FYB2: variants seen among roughly 807,000 people sequenced by gnomAD.
The protein encoded by FYB2 is FYN binding protein 2, also known as FYN-binding protein 2.
A neutral mutation model predicts 94.1 loss-of-function variants in FYB2; 103 were observed. That is an observed-to-expected ratio of 1.09 (90% confidence interval 0.93 to 1.29). The LOEUF is 1.29. Ranked by LOEUF, FYB2 falls within the 50% of genes most tolerant of loss-of-function variation. The pLI, the probability that FYB2 is intolerant of heterozygous loss-of-function variation, is 0.00. For synonymous variants in FYB2, 293 were observed against 287.9 expected, an observed-to-expected ratio of 1.02 and a Z score of -0.18; for missense variants, 896 against 841.5, an observed-to-expected ratio of 1.06 and a Z score of -0.80.
chr1:56,744,927 A>G (rs1645035366), intron 9 of FYB2, among the ~76,000 whole-genome samples: 1 of 152,072 alleles, frequency 6.6e-6, no homozygotes, highest in Non-Finnish European at 1.5e-5. Context: ...GATATGAACT[A>G]TTAATCAGAA....
At chr1:56,824,133 C>G (rs1297115304), upstream of FYB2, 2 of 152,176 alleles carry the variant, frequency 1.3e-5, no homozygotes, top group African/African-American at 2.4e-5. Flanking sequence ...CCACAAAATC[C>G]GCAGGTCAGT....
chr1:56,769,827 A>G (rs903872471), intron 4 of FYB2, among the ~76,000 whole-genome samples: 1 of 152,180 alleles, frequency 6.6e-6, no homozygotes, highest in Non-Finnish European at 1.5e-5. Context: ...GAAAATTCCA[A>G]ATAGGTCAAG....
At chr1:56,777,796 G>C (rs138162017) in intron 4 of FYB2, among the ~76,000 whole-genome samples, 27 of 151,986 alleles carry the variant, frequency 1.8e-4, no homozygotes, top group African/African-American at 6.5e-4. Context: ...AACATCCTCT[G>C]TGCAAACTCA....
intron 4 of FYB2, among the ~76,000 whole-genome samples, chr1:56,774,231 C>A (rs1645824417): frequency 6.6e-6 from 1 of 152,148 alleles, no homozygotes; most frequent in African/African-American, 2.4e-5. Context: ...TTCAGAAAGA[C>A]AGAGGTGGCA....
At chr1:56,793,738 GAAAAA>G (rs61663036) in intron 1 of FYB2, among the ~76,000 whole-genome samples, 2 of 80,674 alleles carry the variant, frequency 2.5e-5, no homozygotes, top group Admixed American at 1.4e-4. Context: ...AACGAAAGTT[GAAAAA>G]AAAAAAAAAA....
At chr1:56,776,074 C>G (rs1284930666) in intron 4 of FYB2, among the ~76,000 whole-genome samples, 1 of 152,116 alleles carries the variant, frequency 6.6e-6, no homozygotes, top group Non-Finnish European at 1.5e-5. Context: ...GTCTGGAAAC[C>G]ACACCTTCTG....
intron 4 of FYB2, among the ~76,000 whole-genome samples, chr1:56,785,061 G>A (rs1557645983): frequency 6.6e-6 from 1 of 152,274 alleles, no homozygotes; most frequent in East Asian, 1.9e-4. Flanking sequence ...ACGGAGGTTA[G>A]CTTCCAAAAT....
At chr1:56,731,660 G>A (rs909745366) in intron 15 of FYB2, among the ~76,000 whole-genome samples, 2 of 152,066 alleles carry the variant, frequency 1.3e-5, no homozygotes, top group African/African-American at 4.8e-5. Flanking sequence ...CCAGGAACAT[G>A]CCTGCAGTCA....
chr1:56,725,129 T>G (rs927242845), intron 16 of FYB2, among the ~76,000 whole-genome samples: 10 of 152,054 alleles, frequency 6.6e-5, no homozygotes, highest in Admixed American at 4.6e-4. Context: ...ATGTCATGCT[T>G]CTTGTACAGT....
chr1:56,732,750 G>C (rs1016580451), intron 15 of FYB2, among the ~76,000 whole-genome samples: 3 of 151,986 alleles, frequency 2.0e-5, no homozygotes, highest in African/African-American at 7.2e-5. Flanking sequence ...TTCAGTAAAT[G>C]GTGCTAGGAA....
intron 16 of FYB2, among the ~76,000 whole-genome samples, chr1:56,725,150 A>G (rs1054723150): frequency 3.3e-5 from 5 of 152,080 alleles, no homozygotes; most frequent in Admixed American, 6.6e-5. Context: ...CTACAGAACC[A>G]TGAACTAAAT....
intron 16 of FYB2, among the ~76,000 whole-genome samples, chr1:56,723,926 G>A (rs911679917): frequency 5.9e-5 from 9 of 151,790 alleles, no homozygotes; most frequent in Non-Finnish European, 1.3e-4. Flanking sequence ...AACTGATCAG[G>A]GTAATGTCAA....
intron 11 of FYB2, among the ~76,000 whole-genome samples, chr1:56,742,609 T>C (rs1365737713): frequency 1.3e-5 from 2 of 152,208 alleles, no homozygotes; most frequent in East Asian, 3.9e-4. Context: ...GAGATATATC[T>C]TGAATAATCT....
chr1:56,809,252 A>G (rs1313586114), intron 1 of FYB2, among the ~76,000 whole-genome samples: 1 of 152,240 alleles, frequency 6.6e-6, no homozygotes, highest in Non-Finnish European at 1.5e-5. Flanking sequence ...TTCAGTGCCA[A>G]CTATGTACAA....
At chr1:56,773,109 A>G (rs1645798278) in intron 4 of FYB2, among the ~76,000 whole-genome samples, 1 of 152,158 alleles carries the variant, frequency 6.6e-6, no homozygotes, top group South Asian at 2.1e-4. Flanking sequence ...AAACCAGAAA[A>G]TTTCTAATTT....
intron 1 of FYB2, among the ~76,000 whole-genome samples, chr1:56,800,655 C>T (rs1023142142): frequency 6.6e-6 from 1 of 152,092 alleles, no homozygotes; most frequent in African/African-American, 2.4e-5. Flanking sequence ...CAATAATACT[C>T]ACCACATGGG....
At chr1:56,784,393 C>A (rs1220512193) in intron 4 of FYB2, among the ~76,000 whole-genome samples, 1 of 152,064 alleles carries the variant, frequency 6.6e-6, no homozygotes, top group Non-Finnish European at 1.5e-5. Flanking sequence ...GTAATGAGAG[C>A]CTACGTATAC....
intron 6 of FYB2, among the ~76,000 whole-genome samples, chr1:56,757,543 G>A (rs1645363030): frequency 6.6e-6 from 1 of 151,966 alleles, no homozygotes; most frequent in South Asian, 2.1e-4. Context: ...TATTTATTGA[G>A]CATCTGCTAC....
At chr1:56,731,235 T>C (rs1644702694) in intron 15 of FYB2, among the ~76,000 whole-genome samples, 1 of 152,144 alleles carries the variant, frequency 6.6e-6, no homozygotes, top group Non-Finnish European at 1.5e-5. Flanking sequence ...GAAAGATCGC[T>C]GGCTTGGGGG....
Sources: allele counts gnomAD v4.1 joint callset (sites outside exome capture counted in the v4.1 genomes callset), GRCh38; gene constraint gnomAD v4.1.1; transcripts MANE v1.5; gene names NCBI Gene and HGNC (gene_info 2026-07-23, HGNC 2026-07-21).